WDR20: variants seen among roughly 807,000 people sequenced by gnomAD.
WDR20 encodes WD repeat-containing protein 20.
WDR20 carries 3 observed loss-of-function variants against 38.7 expected under a neutral mutation model. The ratio of observed to expected loss-of-function variants is 0.08; its 90% CI spans 0.04 to 0.20. The LOEUF (loss-of-function observed/expected upper bound fraction) is 0.20. WDR20 is among the 10% of genes least tolerant of loss of function. The probability of loss-of-function intolerance (pLI) is 1.00; values close to 1 mark genes in which losing one functional copy is unlikely to be tolerated. For missense variants in WDR20, 559 were observed against 727.7 expected (o/e 0.77, Z 2.67); for synonymous variants, 298 against 285.6 (o/e 1.04, Z -0.44).
At chr14:102,199,606 CCACACGTG>C (rs1441541338) in intron 2 of WDR20, among the ~76,000 whole-genome samples, 5 of 152,138 alleles carry the variant, frequency 3.3e-5, no homozygotes, top group African/African-American at 1.2e-4. Context: ...CCACCTGTTA[CCACACGTG>C]CACACACCTT....
intron 1 of WDR20, among the ~76,000 whole-genome samples, chr14:102,153,065 C>T (rs1380944533): frequency 1.3e-5 from 2 of 152,036 alleles, no homozygotes; most frequent in Admixed American, 6.6e-5. Flanking sequence ...GGTTTAGCAC[C>T]ATCTACTTGG....
chr14:102,204,304 T>C (rs2061105732), intron 2 of WDR20, among the ~76,000 whole-genome samples: 1 of 152,186 alleles, frequency 6.6e-6, no homozygotes, highest in Non-Finnish European at 1.5e-5. Context: ...TTTCTGTCCT[T>C]CTGTCTTGCT....
At chr14:102,197,230 C>A (rs1411428848) in intron 2 of WDR20, among the ~76,000 whole-genome samples, 1 of 152,110 alleles carries the variant, frequency 6.6e-6, no homozygotes, top group African/African-American at 2.4e-5. Context: ...AAATTAATTC[C>A]AGAAACTCAT....
chr14:102,199,095 C>CCAGA (rs1214819447), intron 2 of WDR20, among the ~76,000 whole-genome samples: 4 of 152,100 alleles, frequency 2.6e-5, no homozygotes, highest in African/African-American at 9.7e-5. Context: ...GCCATCTCAG[C>CCAGA]TACTGCTTTC....
intron 1 of WDR20, among the ~76,000 whole-genome samples, chr14:102,158,879 T>A (rs1209654826): frequency 6.6e-6 from 1 of 152,112 alleles, no homozygotes; most frequent in East Asian, 1.9e-4. Context: ...CCTACAAACG[T>A]GTCGCTGTTT....
chr14:102,157,569 C>T (rs1305719576), intron 1 of WDR20, among the ~76,000 whole-genome samples: 1 of 152,166 alleles, frequency 6.6e-6, no homozygotes, highest in East Asian at 1.9e-4. Context: ...AAGGTGGACT[C>T]TGTTCCATTT....
At chr14:102,163,410 C>G (rs2059152278) in intron 1 of WDR20, among the ~76,000 whole-genome samples, 1 of 151,926 alleles carries the variant, frequency 6.6e-6, no homozygotes, top group Admixed American at 6.6e-5. Context: ...GGCGGATCAC[C>G]TGAGGTCAGG....
chr14:102,182,157 G>A (rs1286603699), intron 1 of WDR20, among the ~76,000 whole-genome samples: 1 of 152,058 alleles, frequency 6.6e-6, no homozygotes, highest in Non-Finnish European at 1.5e-5. Context: ...AAAAAGATAT[G>A]GATTCATATT....
intron 1 of WDR20, among the ~76,000 whole-genome samples, chr14:102,173,106 T>C (rs1373114740): frequency 2.0e-5 from 3 of 151,680 alleles, no homozygotes; most frequent in Non-Finnish European, 4.4e-5. Flanking sequence ...CTGTTTTTTA[T>C]TTTTATTTTT....
intron 1 of WDR20, among the ~76,000 whole-genome samples, chr14:102,173,059 C>T (rs1390086111): frequency 7.3e-5 from 11 of 150,406 alleles, no homozygotes; most frequent in African/African-American, 1.5e-4. Context: ...GGATGGCAGC[C>T]GGGAAGAGGC....
At chr14:102,177,948 A>C (rs2062519635) in intron 1 of WDR20, among the ~76,000 whole-genome samples, 1 of 152,200 alleles carries the variant, frequency 6.6e-6, no homozygotes. Context: ...CAAACTTGAG[A>C]ATTTCTGTTA....
chr14:102,143,303 G>C (rs1477608460), intron 1 of WDR20, among the ~76,000 whole-genome samples: 1 of 152,152 alleles, frequency 6.6e-6, no homozygotes, highest in African/African-American at 2.4e-5. Context: ...TCTTGAGGTA[G>C]ATTAAAACAT....
At chr14:102,212,790 C>G, downstream of WDR20, 1 of 1,335,808 alleles carries the variant, frequency 7.5e-7, no homozygotes, top group Non-Finnish European at 9.6e-7. Context: ...GTAGTTTTCT[C>G]GCCAAACTTT....
intron 1 of WDR20, among the ~76,000 whole-genome samples, chr14:102,164,077 G>A (rs1265393945): frequency 6.6e-6 from 1 of 152,152 alleles, no homozygotes; most frequent in African/African-American, 2.4e-5. Context: ...AGCTCAGAGA[G>A]TATCTCACAA....
At chr14:102,212,615 A>G (rs2062692195), downstream of WDR20, 1 of 1,535,270 alleles carries the variant, frequency 6.5e-7, no homozygotes, top group Admixed American at 2.0e-5. Context: ...AGGGCACTGG[A>G]GAGAGGGGCA....
At chr14:102,169,608 A>G (rs2060431689) in intron 1 of WDR20, among the ~76,000 whole-genome samples, 1 of 152,084 alleles carries the variant, frequency 6.6e-6, no homozygotes, top group Non-Finnish European at 1.5e-5. Context: ...GCTCACTGCA[A>G]GCTCTGCCTC....
At chr14:102,173,059 CG>C (rs2061294254) in intron 1 of WDR20, among the ~76,000 whole-genome samples, 1 of 150,406 alleles carries the variant, frequency 6.6e-6, no homozygotes, top group African/African-American at 2.5e-5. Flanking sequence ...GGATGGCAGC[CG>C]GGAAGAGGCG....
chr14:102,156,352 C>T (rs755472228), intron 1 of WDR20, among the ~76,000 whole-genome samples: 3 of 151,076 alleles, frequency 2.0e-5, no homozygotes, highest in Non-Finnish European at 4.4e-5. Flanking sequence ...GTGTTTTTAG[C>T]AGAGATGGGG....
intron 1 of WDR20, among the ~76,000 whole-genome samples, chr14:102,161,445 C>G (rs891146515): frequency 4.0e-5 from 6 of 151,532 alleles, no homozygotes; most frequent in Non-Finnish European, 8.8e-5. Context: ...TCCTGAGTAG[C>G]TGGGACTACA....
Sources: allele counts gnomAD v4.1 joint callset (sites outside exome capture counted in the v4.1 genomes callset), GRCh38; gene constraint gnomAD v4.1.1; transcripts MANE v1.5; gene names NCBI Gene and HGNC (gene_info 2026-07-23, HGNC 2026-07-21).